Variants in CROCC2 observed in about 807,000 individuals in gnomAD.
CROCC2 encodes the protein ciliary rootlet coiled-coil protein 2.
In CROCC2, 163 loss-of-function variants were observed where a neutral mutation model predicts 177.6. The observed-to-expected ratio is 0.92, with a 90% CI of 0.81 to 1.05. CROCC2 has a LOEUF of 1.05. CROCC2 is among the 50% of genes least tolerant of loss of function. The pLI is 0.00. For synonymous variants in CROCC2, 904 were observed against 787.3 expected (o/e 1.15, Z -2.48); for missense variants, 1,929 against 1,797.8 (o/e 1.07, Z -1.32).
At position 240,934,379 on chromosome 2, in the gene CROCC2, G is replaced by C; in HGVS notation, c.1695G>C (p.Glu565Asp). 1 of 1,548,814 alleles carries C rather than the reference G, an allele frequency of 6.5e-7. No individual in the cohort carries two copies. The highest frequency in any genetic ancestry group is 2.0e-5 in the Admixed American group (1 of 51,006). Residue 565 changes from glutamate to aspartate, a missense_variant, in exon 12 of 32, where the codon GAG becomes GAC. Physicochemically the swap from Glu to Asp is conservative, Grantham distance 45 (BLOSUM62 2). Transcript: ENST00000690015. Reference protein sequence around the residue: ...QLEEKVSGLREELASVREALS... With the variant: ...QLEEKVSGLRDELASVREALS... ...AGGAGAAGGTCTCCGGGCTCAGAGAGGAGCTGGCATCGGTCCGGGAGGCAC... is the reference window on the plus strand; with the variant it reads ...AGGAGAAGGTCTCCGGGCTCAGAGACGAGCTGGCATCGGTCCGGGAGGCAC...
chr2:240,936,964 A>C (rs2059475023), intron 14 of CROCC2, among the ~76,000 whole-genome samples: 2 of 152,240 alleles, frequency 1.3e-5, no homozygotes, highest in African/African-American at 2.4e-5. Flanking sequence ...TTCTTGTACA[A>C]GTCGCATACA....
intron 14 of CROCC2, among the ~76,000 whole-genome samples, chr2:240,940,073 G>C (rs1304173257): frequency 6.6e-6 from 1 of 152,014 alleles, no homozygotes; most frequent in Admixed American, 6.6e-5. Context: ...AGTCCTTACT[G>C]GGGTTTTTTT....
chr2:240,984,374 C>T (rs2106491576), intron 28 of CROCC2, among the ~76,000 whole-genome samples: 1 of 152,094 alleles, frequency 6.6e-6, no homozygotes, highest in East Asian at 1.9e-4. Flanking sequence ...AGGGAAACAG[C>T]CCAATAAAGA....
chr2:240,963,431 G>T (rs148550213), intron 20 of CROCC2, 125 bp from the exon 21 acceptor site: 2 of 1,007,474 alleles, frequency 2.0e-6, no homozygotes, highest in Middle Eastern at 3.3e-4. Context: ...TGAGCAAAGC[G>T]CATGGGGACC....
At chr2:240,990,878 A>G (rs2059874578) in intron 30 of CROCC2, among the ~76,000 whole-genome samples, 2 of 152,032 alleles carry the variant, frequency 1.3e-5, no homozygotes, top group Admixed American at 1.3e-4. Context: ...TACAGGCGTG[A>G]GCCACTGCAC....
intron 14 of CROCC2, among the ~76,000 whole-genome samples, chr2:240,944,586 T>C (rs1392267954): frequency 1.3e-5 from 2 of 152,112 alleles, no homozygotes; most frequent in Admixed American, 6.5e-5. Context: ...TAATCTGCCA[T>C]TGTCTATTAA....
chr2:240,909,544 G>A (rs908820048), intron 1 of CROCC2, among the ~76,000 whole-genome samples: 5 of 152,222 alleles, frequency 3.3e-5, no homozygotes, highest in Admixed American at 6.5e-5. Context: ...AAGCCGAGGC[G>A]TAAGGGTTGG....
intron 18 of CROCC2, chr2:240,950,845 A>C: frequency 7.6e-6 from 2 of 264,610 alleles, no homozygotes; most frequent in Non-Finnish European, 7.1e-6. Context: ...CCATCCAACC[A>C]CCCACCCATT....
intron 13 of CROCC2, 117 bp downstream of exon 13, chr2:240,935,179 G>A: frequency 7.9e-7 from 1 of 1,266,594 alleles, no homozygotes; most frequent in Non-Finnish European, 1.0e-6. Flanking sequence ...CCTGGTTTGA[G>A]GTTTTGGGGA....
At chr2:240,962,634 C>A (rs1346537001) in intron 20 of CROCC2, among the ~76,000 whole-genome samples, 2 of 152,222 alleles carry the variant, frequency 1.3e-5, no homozygotes, top group Admixed American at 6.5e-5. Flanking sequence ...GTCAAGCCAG[C>A]GACTTGACAT....
chr2:240,983,586 G>A (rs957519123), intron 28 of CROCC2: 7 of 1,281,774 alleles, frequency 5.5e-6, no homozygotes, highest in Non-Finnish European at 6.1e-6. Flanking sequence ...CAGGTAGGCG[G>A]CAGCGGTGGT....
intron 15 of CROCC2, 88 bp from the exon 16 acceptor site, chr2:240,948,891 C>A: frequency 8.3e-7 from 1 of 1,211,794 alleles, no homozygotes; most frequent in South Asian, 1.4e-5. Context: ...TCAGCTGAGT[C>A]TCATTAACAC....
At position 240,922,631 on chromosome 2, in the gene CROCC2, G is replaced by T; in HGVS notation, c.474G>T (p.Glu158Asp). The T allele has an allele frequency of 1.5e-6, 1 of 660,558 alleles. No homozygotes were observed. Among genetic ancestry groups the T allele is most frequent in the Non-Finnish European group, 2.8e-6 (1 of 354,454 alleles). 40.9% of individuals were successfully genotyped at this position (660,558 alleles called of 1,614,324 possible). The change falls in exon 4 of 32, where the codon GAG becomes GAT. Residue 158 changes from glutamate to aspartate, a missense_variant. Glu to Asp is a conservative substitution (Grantham distance 45, BLOSUM62 2). Coordinates refer to ENST00000690015, the MANE Select transcript of CROCC2 (RefSeq NM_001351305.2). ...TGGAGGAGGCCCTTGGCCGTCTGGA[G>T]GCTGCCGAGGAGAGGTGAGGCCAGG... ...VDLEEALGRLEAAEERSTGLC... is the reference protein window; with the variant it reads ...VDLEEALGRLDAAEERSTGLC...
intron 26 of CROCC2, 145 bp downstream of exon 26, chr2:240,967,610 G>A (rs2059691902): frequency 1.4e-6 from 2 of 1,475,278 alleles, no homozygotes; most frequent in Admixed American, 4.4e-5. Flanking sequence ...CAAACCACCA[G>A]GCCTGGCGAG....
chr2:240,984,461 G>A (rs1440079919), intron 28 of CROCC2, among the ~76,000 whole-genome samples: 3 of 151,874 alleles, frequency 2.0e-5, no homozygotes, highest in African/African-American at 7.3e-5. Flanking sequence ...CACCGAGGAG[G>A]AGCCTGCTAT....
rs536098098 is a variant in CROCC2, at chr2:240,966,017, G to C, written c.3961+24G>C. ...AGGTCAGAGTCCTCAGTGGAGGCAGGCGGGCCCCTCTCCCAGCTCAGTCCC... is the reference window on the plus strand; with the variant it reads ...AGGTCAGAGTCCTCAGTGGAGGCAGCCGGGCCCCTCTCCCAGCTCAGTCCC... On this transcript the variant is annotated intron_variant, in intron 24 of 31. Transcript: ENST00000690015. 7.5e-6 allele frequency: 10 copies of C among 1,328,166 alleles called. 1 individual carries two copies. Among genetic ancestry groups the C allele is most frequent in the Admixed American group, 3.6e-5 (1 of 27,582 alleles). 82.3% of individuals were successfully genotyped at this position (1,328,166 alleles called of 1,614,324 possible).
At position 240,986,903 on chromosome 2, in the gene CROCC2, A is replaced by G. The variant is rs543095181; in HGVS notation, c.4552-1836A>G. ...TGCTGAGGCCTCAGGGGTGAACCCC[A>G]GAGCAGGGTGGCCCTTCCCAAGGAC... On this transcript the variant is annotated intron_variant, in intron 28 of 31. Transcript: ENST00000690015. 3.7e-4 allele frequency among the ~76,000 whole-genome samples: 56 copies of G among 152,282 alleles called. 1 individual carries two copies. In the South Asian group the frequency reaches 7.5e-3, roughly 20 times the overall value.
chr2:240,916,941 C>T lies in CROCC2; in HGVS notation c.79-1785C>T, dbSNP rs560467384. ...TGGCTGAGCCCCTTCCAGCAGCTCT[C>T]CTCCTGGTTGGTGGTCTTGGCACCT... On this transcript the variant is annotated intron_variant, in intron 1 of 31. Transcript: ENST00000690015. Among the ~76,000 whole-genome samples, 83 of 152,322 alleles carry T rather than the reference C, an allele frequency of 5.4e-4. No homozygotes were observed. In the South Asian group the frequency reaches 0.017, roughly 30 times the overall value.
intron 1 of CROCC2, among the ~76,000 whole-genome samples, chr2:240,911,532 AAG>A: frequency 6.6e-6 from 1 of 152,116 alleles, no homozygotes; most frequent in East Asian, 1.9e-4. Context: ...TCCTGACCTC[AAG>A]CGATGTGCGC....
Sources: gnomAD v4.1 joint callset for allele counts (sites outside exome capture counted in the v4.1 genomes callset) on GRCh38, gnomAD v4.1.1 for gene constraint, MANE v1.5 for transcripts, NCBI Gene and HGNC (gene_info 2026-07-23, HGNC 2026-07-21) for gene names.